The following AGBL1 variants were observed in gnomAD, a reference collection of about 807,000 sequenced individuals.
AGBL1 encodes cytosolic carboxypeptidase 4.
Under a neutral mutation model 118.9 loss-of-function variants are expected in AGBL1, and 130 were observed. The ratio of observed to expected loss-of-function variants is 1.09; its 90% CI spans 0.95 to 1.26. The LOEUF (loss-of-function observed/expected upper bound fraction) is 1.26. Among genes scored for constraint, AGBL1 ranks in the 50% most tolerant of loss-of-function variants. The probability of loss-of-function intolerance (pLI) is 0.00; values close to 1 mark genes in which losing one functional copy is unlikely to be tolerated. For missense variants in AGBL1, 1,584 were observed against 1,298.1 expected (o/e 1.22, Z -3.38); for synonymous variants, 555 against 478.9 (o/e 1.16, Z -2.08).
intron 22 of AGBL1, among the ~76,000 whole-genome samples, chr15:86,766,529 C>G (rs1335711990): frequency 1.3e-5 from 2 of 151,834 alleles, no homozygotes; most frequent in Admixed American, 1.3e-4. Flanking sequence ...CCATCAATTA[C>G]AAGAAATACA....
In AGBL1 at chr15:86,694,652, G is replaced by C. The variant is rs574307688; in HGVS notation, c.3158+20216G>C. Among the ~76,000 whole-genome samples, 113 of 152,140 alleles carry C rather than the reference G, an allele frequency of 7.4e-4. 3 individuals are homozygous for C. In the South Asian group the frequency reaches 0.022, roughly 30 times the overall value. The stretch of plus-strand genomic sequence containing the variant: ...TCTGTGTTGAATAGAAGTGGTGAGA[G>C]TGGTAATTCTTGTCTTTTCCAGTTC... On this transcript the variant is annotated intron_variant, in intron 22 of 22. Transcript: ENST00000614907.
chr15:86,544,638 A>C (rs572872675), intron 19 of AGBL1, among the ~76,000 whole-genome samples: 7 of 152,252 alleles, frequency 4.6e-5, no homozygotes, highest in Admixed American at 3.3e-4. Context: ...ATCAGGTCTC[A>C]TGACACTTAT....
intron 22 of AGBL1, among the ~76,000 whole-genome samples, chr15:86,751,827 G>C (rs1265165216): frequency 6.6e-6 from 1 of 151,972 alleles, no homozygotes; most frequent in Middle Eastern, 3.2e-3. Context: ...TTTATTATTA[G>C]CACATCCTAA....
At chr15:86,777,601 A>G (rs1490318511) in intron 22 of AGBL1, among the ~76,000 whole-genome samples, 2 of 152,274 alleles carry the variant, frequency 1.3e-5, no homozygotes, top group African/African-American at 4.8e-5. Flanking sequence ...CATTATAATT[A>G]CCATCCATGT....
intron 24 of AGBL1, among the ~76,000 whole-genome samples, chr15:86,995,330 G>C (rs376576763): frequency 5.3e-5 from 8 of 152,164 alleles, no homozygotes; most frequent in African/African-American, 1.9e-4. Flanking sequence ...AGGCTGTAGT[G>C]AGCCTGGATG....
Position 86,785,969 on chromosome 15 carries a change from G to A in AGBL1, c.3158+111533G>A, listed in dbSNP as rs527458960. Among the ~76,000 whole-genome samples, 32 of 152,184 alleles carry A rather than the reference G, an allele frequency of 2.1e-4. 1 individual carries two copies. In the South Asian group the frequency reaches 6.4e-3, roughly 31 times the overall value. On this transcript the variant is annotated intron_variant, in intron 22 of 22. Transcript: ENST00000614907. ...GATTTTAGTGTTCTAGGTTAGTGCT[G>A]GTGACATAGGATATAGGAGTGTATC...
rs768831404 is a variant in AGBL1 at position 86,674,381 on chromosome 15, C to G, written c.3103C>G (p.Gln1035Glu). The G allele has an allele frequency of 2.5e-6, 4 of 1,613,012 alleles. No homozygotes were observed. In the African/African-American group the frequency reaches 4.0e-5, roughly 16 times the overall value. The change falls in exon 22 of 23, where the codon CAA becomes GAA. Residue 1035 changes from glutamine (Q) to glutamate (E), a missense_variant. Transcript: ENST00000614907. ...SASCSHQLLA[Q>E]AATLLSAEED... ...CAGCTGCAGCCATCAGCTCCTGGCT[C>G]AAGCTGCAACTCTGCTGAGTGCTGA...
At chr15:86,559,446 A>G (rs906603908) in intron 21 of AGBL1, among the ~76,000 whole-genome samples, 1 of 152,146 alleles carries the variant, frequency 6.6e-6, no homozygotes, top group African/African-American at 2.4e-5. Context: ...CCACCTCATG[A>G]TGAGGAAAAT....
intron 23 of AGBL1, among the ~76,000 whole-genome samples, chr15:86,938,592 C>T (rs895313843): frequency 6.6e-6 from 1 of 152,136 alleles, no homozygotes; most frequent in African/African-American, 2.4e-5. Context: ...ATTCCAAGCA[C>T]CTAGTCCAGG....
At position 86,638,874 on chromosome 15, in the gene AGBL1, G is replaced by T. The variant is rs183014161; in HGVS notation, c.2995-35399G>T. Among the ~76,000 whole-genome samples the T allele has an allele frequency of 2.1e-3, 313 of 152,212 alleles. 1 individual carries two copies. Among genetic ancestry groups the T allele is most frequent in the Admixed American group, 3.4e-3 (52 of 15,288 alleles). On this transcript the variant is annotated intron_variant, in intron 21 of 22. Coordinates refer to ENST00000614907, the MANE Select transcript of AGBL1 (RefSeq NM_001386094.1). Reference sequence around the variant, plus strand: ...GCCTCTGCTTTCAGGACCTTTCACAGGCTACCATCCATGTGTCAGCTCATC... The same window carrying T: ...GCCTCTGCTTTCAGGACCTTTCACATGCTACCATCCATGTGTCAGCTCATC...
intron 22 of AGBL1, among the ~76,000 whole-genome samples, chr15:86,900,329 A>G (rs1444375364): frequency 6.6e-6 from 1 of 152,200 alleles, no homozygotes; most frequent in African/African-American, 2.4e-5. Flanking sequence ...CCTGACTAAT[A>G]CACGTATGTT....
At chr15:86,543,277 A>T (rs2083530165) in intron 19 of AGBL1, among the ~76,000 whole-genome samples, 2 of 152,206 alleles carry the variant, frequency 1.3e-5, no homozygotes, top group Admixed American at 1.3e-4. Context: ...TACTACAAGG[A>T]CCTTATGACA....
intron 2 of AGBL1, among the ~76,000 whole-genome samples, chr15:86,142,342 C>T (rs569663401): frequency 1.3e-5 from 2 of 152,310 alleles, no homozygotes; most frequent in African/African-American, 4.8e-5. Flanking sequence ...TCGCCCTGCT[C>T]GCTTCCATTG....
intron 17 of AGBL1, among the ~76,000 whole-genome samples, chr15:86,384,312 C>T (rs914067565): frequency 1.3e-5 from 2 of 152,034 alleles, no homozygotes; most frequent in African/African-American, 2.4e-5. Context: ...GAGCTAGTAG[C>T]GTGGGATACA....
intron 18 of AGBL1, among the ~76,000 whole-genome samples, chr15:86,487,844 T>C (rs1484606362): frequency 6.6e-6 from 1 of 152,078 alleles, no homozygotes; most frequent in East Asian, 1.9e-4. Flanking sequence ...TGGGAAAGCC[T>C]GGGAAACCAG....
At chr15:86,438,432 A>G (rs534157359) in intron 18 of AGBL1, among the ~76,000 whole-genome samples, 1 of 152,144 alleles carries the variant, frequency 6.6e-6, no homozygotes, top group Non-Finnish European at 1.5e-5. Flanking sequence ...TTAAAATAAC[A>G]TTCGCTTTAT....
chr15:86,794,839 T>G (rs148110777), intron 22 of AGBL1, among the ~76,000 whole-genome samples: 7 of 152,354 alleles, frequency 4.6e-5, no homozygotes, highest in Non-Finnish European at 1.0e-4. Flanking sequence ...CACAGTGCTG[T>G]ATACAAGCAA....
intron 5 of AGBL1, among the ~76,000 whole-genome samples, chr15:86,196,634 A>T (rs1331328387): frequency 1.3e-5 from 2 of 152,086 alleles, no homozygotes; most frequent in Non-Finnish European, 2.9e-5. Context: ...GATCACTAAC[A>T]ACGTTTTCTA....
At chr15:86,533,360 A>G (rs1038767057) in intron 19 of AGBL1, among the ~76,000 whole-genome samples, 2 of 130,044 alleles carry the variant, frequency 1.5e-5, no homozygotes, top group Non-Finnish European at 1.6e-5. Context: ...TACATGAAAA[A>G]ATGCTCATCA....
Sources: allele counts gnomAD v4.1 joint callset (sites outside exome capture counted in the v4.1 genomes callset), GRCh38; gene constraint gnomAD v4.1.1; transcripts MANE v1.5; gene names NCBI Gene and HGNC (gene_info 2026-07-23, HGNC 2026-07-21).